The following TRAF6 variants were observed in gnomAD, a reference collection of about 807,000 sequenced individuals.
The protein encoded by TRAF6 is TNF receptor associated factor 6.
In TRAF6, 10 loss-of-function variants were observed where a neutral mutation model predicts 48.4. That is an observed-to-expected ratio of 0.21 (90% confidence interval 0.13 to 0.35). The LOEUF (loss-of-function observed/expected upper bound fraction) is 0.35, where lower values mean the gene tolerates loss of function less well. TRAF6 is among the 10% of genes least tolerant of loss of function. The pLI is 1.00. For synonymous variants in TRAF6, 186 were observed against 219.6 expected, an observed-to-expected ratio of 0.85 and a Z score of 1.35; for missense variants, 397 against 661.0, an observed-to-expected ratio of 0.60 and a Z score of 4.38.
In TRAF6 at chr11:36,496,950, T is replaced by C. The variant is rs1453262427; in HGVS notation, c.606+158A>G. Among the ~76,000 whole-genome samples the C allele has an allele frequency of 4.6e-5, 7 of 152,376 alleles. No homozygotes were observed. The East Asian group carries it at 9.6e-4, about 21-fold the overall frequency. ...TACACTTATGTACTAAAATGGCTTA[T>C]TGAACCTTCTTTTTCTTAAAAATCA... On this transcript the variant is annotated intron_variant, in intron 4 of 6. Coordinates refer to ENST00000526995, the MANE Select transcript of TRAF6 (RefSeq NM_004620.4).
chr11:36,498,127 G>A (rs921318100), intron 3 of TRAF6, among the ~76,000 whole-genome samples: 7 of 151,930 alleles, frequency 4.6e-5, no homozygotes, highest in Non-Finnish European at 8.8e-5. Context: ...CTCGTGATCC[G>A]CCTGCCTCAG....
At chr11:36,497,978 G>A (rs534432318) in intron 3 of TRAF6, among the ~76,000 whole-genome samples, 1 of 151,244 alleles carries the variant, frequency 6.6e-6, no homozygotes, top group African/African-American at 2.4e-5. Context: ...TCTACCTCCT[G>A]GTTTCAAGTG....
In TRAF6 at chr11:36,489,735, A is replaced by G; in HGVS notation, c.*103T>C. On this transcript the variant is annotated 3_prime_UTR_variant, in exon 7 of 7. Coordinates refer to ENST00000526995, the MANE Select transcript of TRAF6 (RefSeq NM_004620.4). Reference sequence around the variant, plus strand: ...TCTCTAACAACACTCACTAGTAGATATTACATATTTCCCGTGGCTTGTTTG... The same window carrying G: ...TCTCTAACAACACTCACTAGTAGATGTTACATATTTCCCGTGGCTTGTTTG... The G allele has an allele frequency of 8.3e-7, 1 of 1,209,830 alleles. No individual in the cohort carries two copies. The highest frequency in any genetic ancestry group is 1.5e-5 in the South Asian group (1 of 68,374). The allele number at this position is 1,209,830 out of a possible 1,614,324, so 74.9% of individuals were successfully genotyped here. A position where few individuals can be genotyped will look rare whatever the true frequency, so the allele number is the denominator to read the frequency against.
rs567907226 is a variant in TRAF6, at chr11:36,496,300, T to G, written c.606+808A>C. 6 of 152,188 alleles carry G rather than the reference T, an allele frequency of 3.9e-5. No homozygotes were observed. The South Asian group carries it at 1.2e-3, about 32-fold the overall frequency. The allele number at this position is 152,188 out of a possible 1,614,324, so 9.4% of individuals were successfully genotyped here. On this transcript the variant is annotated intron_variant, in intron 4 of 6. Transcript: ENST00000526995. The stretch of plus-strand genomic sequence containing the variant: ...CTTTTTAAAAGATAAACTTTTGGCC[T>G]GGCATGATGGCTCGTGCCTGTAATC...
chr11:36,501,242 C>T lies in TRAF6; in HGVS notation c.274G>A (p.Ala92Thr). ...QTPCGHRFCK[A>T]CIIKSIRDAG... Reference sequence around the variant, plus strand: ...TACCTTATTGATTTTATGATGCAGGCTTTGCAGAACCTATGGCCGCATGGC... The same window carrying T: ...TACCTTATTGATTTTATGATGCAGGTTTTGCAGAACCTATGGCCGCATGGC... The change falls in exon 2 of 7, where the codon GCC becomes ACC. Residue 92 changes from alanine to threonine, a missense_variant. Physicochemically the swap from Ala to Thr is moderately conservative, Grantham distance 58 (BLOSUM62 0). Transcript: ENST00000526995. The T allele has an allele frequency of 6.2e-7, 1 of 1,606,526 alleles. No homozygotes were observed. Among genetic ancestry groups the T allele is most frequent in the Non-Finnish European group, 8.5e-7 (1 of 1,176,294 alleles).
At chr11:36,507,775 CAA>C (rs1295088319) in intron 1 of TRAF6, among the ~76,000 whole-genome samples, 1 of 138,284 alleles carries the variant, frequency 7.2e-6, no homozygotes, top group Non-Finnish European at 1.6e-5. Context: ...TAAACATATA[CAA>C]ATATATGTAT....
Position 36,490,649 on chromosome 11 carries a change from A to G in TRAF6, c.758T>C (p.Met253Thr). Residue 253 changes from methionine to threonine, a missense_variant and splice_region_variant, in exon 7 of 7, where the codon ATG becomes ACG. Transcript: ENST00000526995. This position sits in a 1 kb window ranked among gnomAD's most constrained non-coding sequence, Gnocchi z 6.4. Reference protein sequence around the residue: ...TFSTFGCHEKMQRNHLARHLQ... With the variant: ...TFSTFGCHEKTQRNHLARHLQ... ...GTGGCGTGCCAAGTGATTCCTCTGC[A>G]TCTAAAAATCAAGCACAAGCCTTAG... The G allele has an allele frequency of 6.2e-7, 1 of 1,605,090 alleles. No individual in the cohort carries two copies. Among genetic ancestry groups the G allele is most frequent in the East Asian group, 2.2e-5 (1 of 44,684 alleles).
chr11:36,497,365 G>A (rs913625880), intron 3 of TRAF6, 99 bp from the exon 4 acceptor site: 1 of 1,175,346 alleles, frequency 8.5e-7, no homozygotes, highest in Non-Finnish European at 1.2e-6. Flanking sequence ...GCAGGCTACT[G>A]AACCTACTTT....
At chr11:36,491,822 T>C (rs982480789) in intron 6 of TRAF6, among the ~76,000 whole-genome samples, 1 of 152,244 alleles carries the variant, frequency 6.6e-6, no homozygotes, top group Non-Finnish European at 1.5e-5. Context: ...TAATTTCTCT[T>C]TGGGGCTTAA....
intron 3 of TRAF6, among the ~76,000 whole-genome samples, chr11:36,497,863 A>G (rs908748251): frequency 6.6e-6 from 1 of 152,078 alleles, no homozygotes; most frequent in Non-Finnish European, 1.5e-5. Context: ...TGAAATTGCA[A>G]GATTAAAATG....
At chr11:36,493,585 T>A (rs1859591474) in intron 5 of TRAF6, among the ~76,000 whole-genome samples, 1 of 152,242 alleles carries the variant, frequency 6.6e-6, no homozygotes, top group African/African-American at 2.4e-5. Flanking sequence ...CAGGCCAGTT[T>A]GCTGATCCCA....
At chr11:36,505,828 T>G (rs1859777078) in intron 1 of TRAF6, among the ~76,000 whole-genome samples, 1 of 152,152 alleles carries the variant, frequency 6.6e-6, no homozygotes, top group Non-Finnish European at 1.5e-5. Flanking sequence ...TTGCTGTGTC[T>G]CAGGGGAGTA....
At chr11:36,497,742 T>C (rs1033301942) in intron 3 of TRAF6, among the ~76,000 whole-genome samples, 1 of 152,190 alleles carries the variant, frequency 6.6e-6, no homozygotes, top group African/African-American at 2.4e-5. Flanking sequence ...ACTATAGGCG[T>C]ATTCCACTTA....
chr11:36,505,938 C>G (rs866932579), intron 1 of TRAF6, among the ~76,000 whole-genome samples: 1 of 152,104 alleles, frequency 6.6e-6, no homozygotes, highest in South Asian at 2.1e-4. Context: ...GGGTGTGGTG[C>G]ATGTACTCCA....
At position 36,492,535 on chromosome 11, in the gene TRAF6, G is replaced by GAA; in HGVS notation, c.756+14_756+15dup. ...TTTTACTTATATTCAAGAATTAAAA[G>GAA]AAAAAAAAACCTTACCTTTTCATGG... On this transcript the variant is annotated intron_variant, in intron 6 of 6. Transcript: ENST00000526995. The GAA allele has an allele frequency of 6.4e-7, 1 of 1,556,892 alleles. No homozygotes were observed. Among genetic ancestry groups the GAA allele is most frequent in the Non-Finnish European group, 8.7e-7 (1 of 1,146,112 alleles).
intron 2 of TRAF6, among the ~76,000 whole-genome samples, chr11:36,500,587 C>T (rs143736126): frequency 9.8e-4 from 149 of 152,264 alleles, no homozygotes; most frequent in African/African-American, 3.2e-3. Flanking sequence ...TTACTAGGTC[C>T]ACTCCCGCTG....
At chr11:36,504,767 G>A (rs1037529894) in intron 1 of TRAF6, among the ~76,000 whole-genome samples, 1 of 152,180 alleles carries the variant, frequency 6.6e-6, no homozygotes, top group African/African-American at 2.4e-5. Context: ...CTTATGAAAT[G>A]CATGTTTTAA....
chr11:36,497,150 A>T lies in TRAF6; in HGVS notation c.564T>A (p.Ser188=), dbSNP rs755942555. The T allele has an allele frequency of 1.9e-6, 3 of 1,614,022 alleles. No homozygotes were observed. The Admixed American group carries it at 5.0e-5, about 27-fold the overall frequency. Residue 188 remains serine, a synonymous_variant, in exon 4 of 7, where the codon TCT becomes TCA. Transcript: ENST00000526995. ...ILKDCPRRQV[S]CDNCAASMAF... is the part of the protein sequence containing the mutation. ...CCATTGATGCAGCACAGTTGTCACA[A>T]GAAACCTGTCTCCTTGGACAATCCT...
intron 1 of TRAF6, among the ~76,000 whole-genome samples, chr11:36,505,316 CTAGA>C (rs1859770395): frequency 6.6e-6 from 1 of 152,212 alleles, no homozygotes; most frequent in South Asian, 2.1e-4. Context: ...GCTAGATCTT[CTAGA>C]TAATGTGCTG....
Sources: allele counts gnomAD v4.1 joint callset (sites outside exome capture counted in the v4.1 genomes callset), GRCh38; gene constraint gnomAD v4.1.1; non-coding constraint Gnocchi (gnomAD v3.1); transcripts MANE v1.5; gene names NCBI Gene and HGNC (gene_info 2026-07-23, HGNC 2026-07-21).